ZCCHC14: variants seen among roughly 807,000 people sequenced by gnomAD.
ZCCHC14 encodes the protein zinc finger CCHC domain-containing protein 14.
In ZCCHC14, 16 loss-of-function variants were observed where a neutral mutation model predicts 85.0. The ratio of observed to expected loss-of-function variants is 0.19; its 90% confidence interval spans 0.13 to 0.29. The LOEUF is 0.29. Ranked by LOEUF, ZCCHC14 falls within the 10% of genes least tolerant of loss-of-function variation. The pLI, the probability that ZCCHC14 is intolerant of heterozygous loss-of-function variation, is 1.00. For synonymous variants in ZCCHC14, 775 were observed against 630.7 expected, an observed-to-expected ratio of 1.23 and a Z score of -3.43; for missense variants, 1,303 against 1,443.5, an observed-to-expected ratio of 0.90 and a Z score of 1.58.
intron 2 of ZCCHC14, among the ~76,000 whole-genome samples, chr16:87,441,848 G>A (rs981326244): frequency 3.3e-5 from 5 of 152,222 alleles, no homozygotes; most frequent in African/African-American, 9.6e-5. Context: ...GGGGGACTCT[G>A]GTTCCAGGTA....
At chr16:87,446,153 G>A (rs1910425756) in intron 2 of ZCCHC14, among the ~76,000 whole-genome samples, 2 of 133,126 alleles carry the variant, frequency 1.5e-5, no homozygotes, top group East Asian at 2.2e-4. Context: ...GGCAACAAGA[G>A]CAAAACTCCG....
intron 10 of ZCCHC14, among the ~76,000 whole-genome samples, chr16:87,413,905 T>G (rs16942939): frequency 0.12 from 18,635 of 152,182 alleles, 3,078 homozygotes; most frequent in African/African-American, 0.37. Flanking sequence ...GACCTGATCA[T>G]TTTGCCCAAG....
intron 2 of ZCCHC14, among the ~76,000 whole-genome samples, chr16:87,448,049 T>C (rs528305684): frequency 6.6e-6 from 1 of 152,294 alleles, no homozygotes. Flanking sequence ...AAAAACCTAA[T>C]TGCATTAATA....
At chr16:87,440,276 T>C (rs1910121315) in intron 2 of ZCCHC14, among the ~76,000 whole-genome samples, 11 of 152,052 alleles carry the variant, frequency 7.2e-5, no homozygotes, top group Admixed American at 7.2e-4. Flanking sequence ...GCGATTCTTG[T>C]GCCTCAGCCT....
At chr16:87,460,174 G>A in intron 1 of ZCCHC14, 43 bp from the exon 2 acceptor site, 1 of 1,590,742 alleles carries the variant, frequency 6.3e-7, no homozygotes, top group Non-Finnish European at 8.6e-7. Context: ...CTCCCACGGA[G>A]TTAATAGGGG....
intron 3 of ZCCHC14, among the ~76,000 whole-genome samples, chr16:87,427,247 T>G (rs1041840107): frequency 6.6e-6 from 1 of 152,248 alleles, no homozygotes; most frequent in Non-Finnish European, 1.5e-5. Flanking sequence ...GTCTACCTAG[T>G]GCCTGCTGCT....
At chr16:87,441,001 A>G (rs909647906) in intron 2 of ZCCHC14, among the ~76,000 whole-genome samples, 4 of 150,658 alleles carry the variant, frequency 2.7e-5, no homozygotes, top group East Asian at 2.0e-4. Context: ...CTGTTCCCAT[A>G]AAGTTTTTTT....
chr16:87,432,947 C>T (rs1340986805), intron 3 of ZCCHC14, among the ~76,000 whole-genome samples, 181 bp downstream of exon 3: 3 of 151,966 alleles, frequency 2.0e-5, no homozygotes, highest in African/African-American at 7.3e-5. Context: ...GCAGAGGCCC[C>T]CCAGCCAACA....
In ZCCHC14 at chr16:87,413,452, G is replaced by A. The variant is rs1011802023; in HGVS notation, c.1604-257C>T. Among the ~76,000 whole-genome samples, 6 of 152,172 alleles carry A rather than the reference G, an allele frequency of 3.9e-5. 1 individual carries two copies. Among genetic ancestry groups the A allele is most frequent in the Admixed American group, 3.9e-4 (6 of 15,274 alleles). On this transcript the variant is annotated intron_variant, in intron 10 of 12. Coordinates refer to ENST00000671377, the MANE Select transcript of ZCCHC14 (RefSeq NM_015144.3). ...CAACCCCAGAACAATGCCCTGTGAA[G>A]GGCACCCCCAGCGCACCCCCAGGAA...
intron 2 of ZCCHC14, among the ~76,000 whole-genome samples, chr16:87,434,400 G>C (rs781726919): frequency 6.6e-6 from 1 of 152,232 alleles, no homozygotes; most frequent in Non-Finnish European, 1.5e-5. Flanking sequence ...CCCACGCCGA[G>C]CTTTACACAT....
At chr16:87,482,430 C>T (rs1474901617) in intron 1 of ZCCHC14, among the ~76,000 whole-genome samples, 1 of 152,208 alleles carries the variant, frequency 6.6e-6, no homozygotes, top group Non-Finnish European at 1.5e-5. Context: ...CCAGAACTGG[C>T]GAAGGCAGCG....
intron 1 of ZCCHC14, among the ~76,000 whole-genome samples, chr16:87,482,629 C>T (rs1567544879): frequency 1.3e-5 from 2 of 152,144 alleles, no homozygotes; most frequent in East Asian, 3.8e-4. Context: ...ACCTGGCCAA[C>T]ATGAGGTCAT....
rs568872476 is a variant in ZCCHC14 at position 87,484,023 on chromosome 16, A to G, written c.570+7646T>C. ...GGACTGACAGAGAAGCCTCATCTGGAAAGACTGCCAAGAGAAGACCAGGAG... is the reference window on the plus strand; with the variant it reads ...GGACTGACAGAGAAGCCTCATCTGGGAAGACTGCCAAGAGAAGACCAGGAG... On this transcript the variant is annotated intron_variant, in intron 1 of 12. Coordinates refer to ENST00000671377, the MANE Select transcript of ZCCHC14 (RefSeq NM_015144.3). 1.1e-4 allele frequency among the ~76,000 whole-genome samples: 17 copies of G among 152,360 alleles called. No homozygotes were observed. In the East Asian group the frequency reaches 2.9e-3, roughly 26 times the overall value.
At position 87,472,112 on chromosome 16, in the gene ZCCHC14, G is replaced by A. The variant is rs763336144; in HGVS notation, c.571-11981C>T. 6 of 152,322 alleles carry A rather than the reference G, an allele frequency of 3.9e-5. 1 individual carries two copies. The highest frequency in any genetic ancestry group is 8.8e-5 in the Non-Finnish European group (6 of 68,100). The allele number at this position is 152,322 out of a possible 1,614,324, so 9.4% of individuals were successfully genotyped here. On this transcript the variant is annotated intron_variant, in intron 1 of 12. Transcript: ENST00000671377. ...AAGTGTCAATAAAACTGGGCTGGGGGTAGGGGTGGAACTGAAGTAGGAGGA... is the reference window on the plus strand; with the variant it reads ...AAGTGTCAATAAAACTGGGCTGGGGATAGGGGTGGAACTGAAGTAGGAGGA...
At chr16:87,436,983 G>T (rs2150741149) in intron 2 of ZCCHC14, among the ~76,000 whole-genome samples, 1 of 152,176 alleles carries the variant, frequency 6.6e-6, no homozygotes, top group Non-Finnish European at 1.5e-5. Context: ...CCCCAGTGTG[G>T]CCGCCTTCCC....
chr16:87,423,903 A>T, intron 3 of ZCCHC14, 22 bp from the exon 4 acceptor site: 2 of 1,612,046 alleles, frequency 1.2e-6, no homozygotes, highest in Non-Finnish European at 1.7e-6. Flanking sequence ...ACAAACAAAC[A>T]AACCTTAGAA....
At position 87,410,193 on chromosome 16, in the gene ZCCHC14, C is replaced by T; in HGVS notation, c.*87G>A. ...GCACCTTTGGATTAAAAAGATTAAG[C>T]TCAACAGCAACTAGACTTCTCAGTT... On this transcript the variant is annotated 3_prime_UTR_variant, in exon 13 of 13. Coordinates refer to ENST00000671377, the MANE Select transcript of ZCCHC14 (RefSeq NM_015144.3). 1 of 625,136 alleles carries T rather than the reference C, an allele frequency of 1.6e-6. No homozygotes were observed. Among genetic ancestry groups the T allele is most frequent in the Non-Finnish European group, 2.9e-6 (1 of 342,998 alleles). The allele number at this position is 625,136 out of a possible 1,614,324, so 38.7% of individuals were successfully genotyped here.
chr16:87,439,235 G>A (rs1910072328), intron 2 of ZCCHC14, among the ~76,000 whole-genome samples: 1 of 151,882 alleles, frequency 6.6e-6, no homozygotes, highest in South Asian at 2.1e-4. Context: ...CGAGGTTCAA[G>A]TGATTCTCCT....
At chr16:87,411,248 G>C (rs1480288413) in intron 12 of ZCCHC14, among the ~76,000 whole-genome samples, 1 of 152,212 alleles carries the variant, frequency 6.6e-6, no homozygotes, top group Non-Finnish European at 1.5e-5. Flanking sequence ...CTCGAATCAG[G>C]ACACGGCAGT....
Sources: gnomAD v4.1 joint callset for allele counts (sites outside exome capture counted in the v4.1 genomes callset) on GRCh38, gnomAD v4.1.1 for gene constraint, MANE v1.5 for transcripts, NCBI Gene and HGNC (gene_info 2026-07-23, HGNC 2026-07-21) for gene names.